ZNF131: variants seen among roughly 807,000 people sequenced by gnomAD.
ZNF131 encodes zinc finger protein 131.
A neutral mutation model predicts 60.0 loss-of-function variants in ZNF131; 7 were observed. The ratio of observed to expected loss-of-function variants is 0.12; its 90% confidence interval spans 0.07 to 0.22. ZNF131 has a LOEUF of 0.22. Among genes scored for constraint, ZNF131 ranks in the 10% least tolerant of loss-of-function variants. The pLI, the probability that ZNF131 is intolerant of heterozygous loss-of-function variation, is 1.00. For missense variants in ZNF131, 493 were observed against 740.9 expected, an observed-to-expected ratio of 0.67 and a Z score of 3.88; for synonymous variants, 257 against 253.2, an observed-to-expected ratio of 1.01 and a Z score of -0.14.
chr5:43,152,644 T>C (rs1748467506), intron 4 of ZNF131, among the ~76,000 whole-genome samples: 1 of 152,136 alleles, frequency 6.6e-6, no homozygotes, highest in Non-Finnish European at 1.5e-5. Flanking sequence ...TCTCACTGTG[T>C]CACCCAGGCT....
chr5:43,144,476 T>C (rs76216887), intron 4 of ZNF131, among the ~76,000 whole-genome samples: 14,734 of 152,090 alleles, frequency 0.097, 845 homozygotes, highest in East Asian at 0.19. Flanking sequence ...GTGATCCACC[T>C]GCCTTGACCT....
chr5:43,161,527 T>C lies in ZNF131; in HGVS notation c.650T>C (p.Ile217Thr). Reference sequence around the variant, plus strand: ...TCTGCTCTAGCACTGTTGGCAGATATTACCAGCAAGTACCGTCAAGGTGAC... The same window carrying C: ...TCTGCTCTAGCACTGTTGGCAGATACTACCAGCAAGTACCGTCAAGGTGAC... ...DDSALALLADITSKYRQGDRK... is the reference protein window; with the variant it reads ...DDSALALLADTTSKYRQGDRK... The change falls in exon 5 of 7, where the codon ATT (isoleucine) becomes ACT (threonine). Residue 217 changes from isoleucine (I) to threonine (T), a missense_variant. Ile to Thr is a moderately conservative substitution (Grantham distance 89, BLOSUM62 -1). This residue lies in a region of ZNF131 where 138 missense variants were observed against 158.7 expected (regional missense o/e 0.87). Transcript: ENST00000682664. The C allele has an allele frequency of 6.2e-7, 1 of 1,614,262 alleles. No individual in the cohort carries two copies. The highest frequency in any genetic ancestry group is 8.5e-7 in the Non-Finnish European group (1 of 1,180,050).
chr5:43,148,481 T>C (rs943175274), intron 4 of ZNF131, among the ~76,000 whole-genome samples: 98 of 152,360 alleles, frequency 6.4e-4, no homozygotes, highest in African/African-American at 2.2e-3. Flanking sequence ...TTTTAAACTT[T>C]AGGTCAGGAG....
At chr5:43,141,810 C>CA in intron 4 of ZNF131, among the ~76,000 whole-genome samples, 1 of 151,422 alleles carries the variant, frequency 6.6e-6, no homozygotes, top group Admixed American at 6.6e-5. Flanking sequence ...CTAAAACAAT[C>CA]ATTGCTTTTC....
At chr5:43,131,801 G>T (rs547846492) in intron 3 of ZNF131, among the ~76,000 whole-genome samples, 1 of 135,676 alleles carries the variant, frequency 7.4e-6, no homozygotes, top group Non-Finnish European at 1.6e-5. Context: ...GCATATGTGC[G>T]TATGTACAAA....
intron 1 of ZNF131, chr5:43,121,737 C>A (rs753358392): frequency 3.1e-4 from 60 of 190,870 alleles, no homozygotes; most frequent in Non-Finnish European, 6.2e-4. Flanking sequence ...GCTGTCGAGT[C>A]CCCTCCCTTG....
chr5:43,153,842 A>T (rs1748627979), intron 4 of ZNF131, among the ~76,000 whole-genome samples: 1 of 152,196 alleles, frequency 6.6e-6, no homozygotes, highest in African/African-American at 2.4e-5. Context: ...AGGGAAGTAG[A>T]GTCAGAAATC....
At chr5:43,158,260 A>G (rs112138035) in intron 4 of ZNF131, among the ~76,000 whole-genome samples, 8,010 of 147,314 alleles carry the variant, frequency 0.054, 318 homozygotes, top group South Asian at 0.13. Flanking sequence ...GAGCCACTGC[A>G]CCCGATGTTG....
chr5:43,131,915 T>G (rs1464400193), intron 3 of ZNF131, among the ~76,000 whole-genome samples: 1 of 152,192 alleles, frequency 6.6e-6, no homozygotes, highest in Non-Finnish European at 1.5e-5. Context: ...AGGAAAAGTT[T>G]GAAGTTTTTA....
chr5:43,134,025 C>T (rs1423293354), intron 3 of ZNF131, among the ~76,000 whole-genome samples: 3 of 152,202 alleles, frequency 2.0e-5, no homozygotes, highest in East Asian at 3.9e-4. Flanking sequence ...TTTCCAAATT[C>T]ATTAGTAGGC....
intron 3 of ZNF131, among the ~76,000 whole-genome samples, chr5:43,135,795 C>T (rs958422608): frequency 1.3e-5 from 2 of 151,744 alleles, no homozygotes; most frequent in African/African-American, 2.4e-5. Context: ...TTAAATTGTC[C>T]ATACAGATTG....
intron 3 of ZNF131, among the ~76,000 whole-genome samples, chr5:43,137,519 A>G (rs1269033771): frequency 6.6e-6 from 1 of 152,186 alleles, no homozygotes; most frequent in Non-Finnish European, 1.5e-5. Context: ...CATCAAGGAA[A>G]TGCAAATCAA....
chr5:43,170,161 A>T (rs1750804419), intron 5 of ZNF131, among the ~76,000 whole-genome samples: 1 of 150,148 alleles, frequency 6.7e-6, no homozygotes, highest in African/African-American at 2.4e-5. Flanking sequence ...ATTCATTGAT[A>T]AAACCACTAA....
chr5:43,173,222 A>G, intron 5 of ZNF131, 96 bp from the exon 6 acceptor site: 1 of 1,255,882 alleles, frequency 8.0e-7, no homozygotes, highest in Non-Finnish European at 1.1e-6. Context: ...GGAATTTAGT[A>G]TTAAAATTAC....
chr5:43,171,868 C>G (rs13168591), intron 5 of ZNF131, among the ~76,000 whole-genome samples: 2 of 152,170 alleles, frequency 1.3e-5, no homozygotes, highest in African/African-American at 2.4e-5. Context: ...GATCCACCCA[C>G]CTCGGCCTCC....
chr5:43,144,549 C>T (rs945636749), intron 4 of ZNF131, among the ~76,000 whole-genome samples: 2 of 151,914 alleles, frequency 1.3e-5, no homozygotes, highest in African/African-American at 4.8e-5. Flanking sequence ...TTTTTAAAGC[C>T]CCCTATGAAC....
chr5:43,135,855 C>T (rs521649), intron 3 of ZNF131, among the ~76,000 whole-genome samples: 42,438 of 152,110 alleles, frequency 0.28, 6,459 homozygotes, highest in East Asian at 0.63. Flanking sequence ...CAGTGGCTCA[C>T]GCCTATAGTC....
intron 5 of ZNF131, among the ~76,000 whole-genome samples, chr5:43,170,205 T>G (rs187385277): frequency 2.0e-5 from 3 of 152,138 alleles, no homozygotes; most frequent in African/African-American, 7.2e-5. Flanking sequence ...ATTTTGGGAG[T>G]TGAAAAGAGT....
chr5:43,165,368 T>A (rs1750224220), intron 5 of ZNF131, among the ~76,000 whole-genome samples: 1 of 152,176 alleles, frequency 6.6e-6, no homozygotes, highest in Non-Finnish European at 1.5e-5. Flanking sequence ...TGTGCATGCA[T>A]CTCTGGTGTG....
Sources: allele counts gnomAD v4.1 joint callset (sites outside exome capture counted in the v4.1 genomes callset), GRCh38; gene constraint gnomAD v4.1.1; regional missense constraint gnomAD v4.1.1; transcripts MANE v1.5; gene names NCBI Gene and HGNC (gene_info 2026-07-23, HGNC 2026-07-21).